The following EDARADD variants were observed in gnomAD, a reference collection of about 807,000 sequenced individuals.
EDARADD encodes ectodysplasin-A receptor-associated adapter protein.
Under a neutral mutation model 25.6 loss-of-function variants are expected in EDARADD, and 20 were observed. The ratio of observed to expected loss-of-function variants is 0.78; its 90% CI spans 0.55 to 1.14. The LOEUF (loss-of-function observed/expected upper bound fraction) is 1.14, where lower values mean the gene tolerates loss of function less well. Among genes scored for constraint, EDARADD ranks in the 50% most tolerant of loss-of-function variants. EDARADD has a pLI of 0.00. For synonymous variants in EDARADD, 86 were observed against 94.4 expected, an observed-to-expected ratio of 0.91 and a Z score of 0.52; for missense variants, 225 against 270.1, an observed-to-expected ratio of 0.83 and a Z score of 1.17.
intron 4 of EDARADD, among the ~76,000 whole-genome samples, chr1:236,427,833 T>C (rs930321409): frequency 3.9e-5 from 6 of 152,142 alleles, no homozygotes; most frequent in Non-Finnish European, 2.9e-5. Context: ...AACTTTAATT[T>C]TTTTAGATAT....
rs558449422 is a variant in EDARADD at position 236,352,184 on chromosome 1, A to G, written c.-6+1345A>G. 1.6e-4 allele frequency among the ~76,000 whole-genome samples: 25 copies of G among 152,208 alleles called. No individual in the cohort carries two copies. In the South Asian group the frequency reaches 5.2e-3, roughly 32 times the overall value. Reference sequence around the variant, plus strand: ...GTGAAACTGCCGCCTAGAATATTCTATTCTCCTATGACCACCCTGTATTAT... The same window carrying G: ...GTGAAACTGCCGCCTAGAATATTCTGTTCTCCTATGACCACCCTGTATTAT... On this transcript the variant is annotated intron_variant, in intron 3 of 7. Coordinates refer to the EDARADD transcript ENST00000439430.
Position 236,377,123 on chromosome 1 carries a change from T to A in EDARADD, c.-6+26284T>A, listed in dbSNP as rs12075632. On this transcript the variant is annotated intron_variant, in intron 3 of 7. Coordinates refer to the EDARADD transcript ENST00000439430. ...TTACAGCCCTTAACATATATATATT[T>A]TATATATATATATGTTATATATTTT... is the stretch of plus-strand genomic sequence containing the variant. 6.9e-3 allele frequency among the ~76,000 whole-genome samples: 1,014 copies of A among 146,892 alleles called. 11 individuals are homozygous for A. The highest frequency in any genetic ancestry group is 0.023 in the African/African-American group (939 of 40,248).
intron 3 of EDARADD, among the ~76,000 whole-genome samples, chr1:236,420,716 GGA>G (rs1657761134): frequency 6.6e-6 from 1 of 152,090 alleles, no homozygotes; most frequent in Non-Finnish European, 1.5e-5. Context: ...TGAACACACT[GGA>G]ATTTGATATC....
chr1:236,390,389 A>G (rs1667407206), upstream of EDARADD, among the ~76,000 whole-genome samples: 1 of 152,054 alleles, frequency 6.6e-6, no homozygotes, highest in African/African-American at 2.4e-5. Flanking sequence ...CCCCATCTCT[A>G]CTAAAAATAC....
rs540466096 is a variant in EDARADD at position 236,409,259 on chromosome 1, T to C, written c.105T>C (p.Thr35=). 6.2e-7 allele frequency: 1 copy of C among 1,612,888 alleles called. No homozygotes were observed. The highest frequency in any genetic ancestry group is 2.2e-5 in the East Asian group (1 of 44,822). ...KEPVEDTDPS[T]LSFNMSDKYP... is the part of the protein sequence containing the mutation. ...CAGTGGAAGACACAGACCCTAGCAC[T>C]TTATCCTTTAATATGGTAGGTGACA... Residue 35 remains threonine (T), a synonymous_variant, in exon 2 of 6, where the codon ACT becomes ACC. Coordinates refer to ENST00000334232, the MANE Select transcript of EDARADD (RefSeq NM_145861.4).
intron 4 of EDARADD, among the ~76,000 whole-genome samples, chr1:236,444,259 ATTATT>A (rs1184041373): frequency 2.2e-4 from 33 of 152,076 alleles, no homozygotes; most frequent in East Asian, 1.9e-3. Context: ...TATTATTATT[ATTATT>A]TTATTTTATG....
At chr1:236,369,328 A>G (rs905520742) in intron 3 of EDARADD, among the ~76,000 whole-genome samples, 1 of 152,224 alleles carries the variant, frequency 6.6e-6, no homozygotes, top group Non-Finnish European at 1.5e-5. Context: ...CTCCTTGCCC[A>G]TGAGCATGAA....
intron 2 of EDARADD, among the ~76,000 whole-genome samples, chr1:236,409,928 C>T (rs540838410): frequency 3.1e-4 from 47 of 152,006 alleles, no homozygotes; most frequent in Non-Finnish European, 5.6e-4. Flanking sequence ...GATGGACACA[C>T]GCTATTGGAT....
chr1:236,411,480 T>TCCC (rs1488569915), intron 2 of EDARADD, among the ~76,000 whole-genome samples: 1 of 151,926 alleles, frequency 6.6e-6, no homozygotes, highest in Non-Finnish European at 1.5e-5. Flanking sequence ...CCAGGGTGTT[T>TCCC]GTGTCTCGTC....
intron 4 of EDARADD, among the ~76,000 whole-genome samples, chr1:236,430,022 A>ACATT (rs1658052110): frequency 1.3e-5 from 2 of 152,220 alleles, no homozygotes; most frequent in Non-Finnish European, 2.9e-5. Flanking sequence ...AAAGTCTTTA[A>ACATT]TAGTAACATT....
At chr1:236,402,705 C>G (rs2103004084) in intron 1 of EDARADD, among the ~76,000 whole-genome samples, 1 of 152,142 alleles carries the variant, frequency 6.6e-6, no homozygotes, top group South Asian at 2.1e-4. Flanking sequence ...AGCCACCACA[C>G]CTGGCCATGA....
intron 4 of EDARADD, among the ~76,000 whole-genome samples, chr1:236,441,752 A>C (rs1172547163): frequency 6.6e-6 from 1 of 151,314 alleles, no homozygotes; most frequent in Non-Finnish European, 1.5e-5. Context: ...CTGGTCTTGA[A>C]CTCCTGACCT....
At chr1:236,413,198 A>G (rs1187910063) in intron 2 of EDARADD, among the ~76,000 whole-genome samples, 1 of 152,216 alleles carries the variant, frequency 6.6e-6, no homozygotes, top group African/African-American at 2.4e-5. Flanking sequence ...GTTCTAGTAC[A>G]GGTTTGTGTT....
chr1:236,452,558 T>C (rs1424655020), intron 4 of EDARADD, among the ~76,000 whole-genome samples: 1 of 152,092 alleles, frequency 6.6e-6, no homozygotes, highest in East Asian at 1.9e-4. Flanking sequence ...TCCTTCACCT[T>C]CTACCATGAC....
chr1:236,463,418 C>T (rs1167359994), intron 4 of EDARADD, among the ~76,000 whole-genome samples: 3 of 152,220 alleles, frequency 2.0e-5, no homozygotes, highest in Non-Finnish European at 2.9e-5. Context: ...CTCAGCCTTC[C>T]GAGTAGCTGG....
chr1:236,455,023 A>T (rs998388471), intron 4 of EDARADD, among the ~76,000 whole-genome samples: 1 of 152,162 alleles, frequency 6.6e-6, no homozygotes, highest in African/African-American at 2.4e-5. Flanking sequence ...CAGCTTGGCC[A>T]ATATGGTGAA....
At chr1:236,361,643 A>G (rs978314244) in intron 3 of EDARADD, among the ~76,000 whole-genome samples, 2 of 149,388 alleles carry the variant, frequency 1.3e-5, no homozygotes, top group African/African-American at 5.0e-5. Flanking sequence ...TTTTATATAT[A>G]TATATATTCC....
At chr1:236,451,610 A>G (rs1365744225) in intron 4 of EDARADD, among the ~76,000 whole-genome samples, 1 of 151,954 alleles carries the variant, frequency 6.6e-6, no homozygotes, top group East Asian at 1.9e-4. Flanking sequence ...TTTAGTAGAG[A>G]TGGGGTTTTG....
At chr1:236,459,036 G>T (rs1658962902) in intron 4 of EDARADD, among the ~76,000 whole-genome samples, 1 of 152,114 alleles carries the variant, frequency 6.6e-6, no homozygotes, top group African/African-American at 2.4e-5. Context: ...TATGACAGAT[G>T]AAGCCAAATG....
Sources: allele counts gnomAD v4.1 joint callset (sites outside exome capture counted in the v4.1 genomes callset), GRCh38; gene constraint gnomAD v4.1.1; transcripts MANE v1.5; gene names NCBI Gene and HGNC (gene_info 2026-07-23, HGNC 2026-07-21).